The following SUMF1 variants were observed in gnomAD, a reference collection of about 807,000 sequenced individuals.
The protein encoded by SUMF1 is sulfatase modifying factor 1, also known as formylglycine-generating enzyme.
In SUMF1, 48 loss-of-function variants were observed where a neutral mutation model predicts 47.6. The observed-to-expected ratio is 1.01, with a 90% CI of 0.80 to 1.28. The LOEUF (loss-of-function observed/expected upper bound fraction) is 1.28, where lower values mean the gene tolerates loss of function less well. Among genes scored for constraint, SUMF1 ranks in the 50% most tolerant of loss-of-function variants. The pLI is 0.00. For synonymous variants in SUMF1, 230 were observed against 192.1 expected, an observed-to-expected ratio of 1.20 and a Z score of -1.63; for missense variants, 571 against 485.4, an observed-to-expected ratio of 1.18 and a Z score of -1.66.
rs554165314 is a variant in SUMF1 at position 4,298,849 on chromosome 3, G to C, written c.1014+77481C>G. On this transcript the variant is annotated intron_variant and NMD_transcript_variant, in intron 8 of 12. Coordinates refer to the SUMF1 transcript ENST00000448413. ...AATTCCCATACTATTCAAAATTCCT[G>C]AAGGGTGAAACAAACCTTATCTCCA... is the stretch of plus-strand genomic sequence containing the variant. 1.5e-4 allele frequency among the ~76,000 whole-genome samples: 23 copies of C among 152,208 alleles called. No individual in the cohort carries two copies. In the South Asian group the frequency reaches 4.8e-3, roughly 32 times the overall value.
At chr3:4,206,124 C>T (rs899241166) in intron 8 of SUMF1, among the ~76,000 whole-genome samples, 14 of 151,460 alleles carry the variant, frequency 9.2e-5, no homozygotes, top group African/African-American at 2.4e-4. Context: ...ATGGCTAAGC[C>T]AGTATCCAAG....
At chr3:4,168,883 T>C (rs1694769830) in intron 8 of SUMF1, among the ~76,000 whole-genome samples, 1 of 152,212 alleles carries the variant, frequency 6.6e-6, no homozygotes, top group Non-Finnish European at 1.5e-5. Flanking sequence ...AATTTCCATC[T>C]AAACTCTGGA....
chr3:4,153,300 C>A (rs1480649902), intron 8 of SUMF1, among the ~76,000 whole-genome samples: 1 of 151,532 alleles, frequency 6.6e-6, no homozygotes, highest in Non-Finnish European at 1.5e-5. Flanking sequence ...CAGCCTCGAA[C>A]TCCTGGAATC....
intron 8 of SUMF1, among the ~76,000 whole-genome samples, chr3:4,335,967 A>AACAAAAACAAAAC (rs1373735525): frequency 9.7e-5 from 14 of 144,076 alleles, no homozygotes; most frequent in African/African-American, 3.8e-4. Flanking sequence ...ACTCAAAAAA[A>AACAAAAACAAAAC]AAAAAAAAAA....
At chr3:4,366,211 C>G (rs1313019256) in intron 8 of SUMF1, among the ~76,000 whole-genome samples, 2 of 151,808 alleles carry the variant, frequency 1.3e-5, no homozygotes, top group Non-Finnish European at 2.9e-5. Flanking sequence ...TTGCTCTTCT[C>G]GAGGAGTATC....
chr3:4,226,092 CA>C (rs1370218625), intron 8 of SUMF1, among the ~76,000 whole-genome samples: 2 of 152,072 alleles, frequency 1.3e-5, no homozygotes, highest in South Asian at 2.1e-4. Context: ...ACTCCAAATA[CA>C]TAGGATCTAC....
chr3:4,436,260 A>G (rs1440094946), intron 3 of SUMF1, among the ~76,000 whole-genome samples: 2 of 152,356 alleles, frequency 1.3e-5, no homozygotes, highest in East Asian at 1.9e-4. Context: ...AGTAGAGTCT[A>G]TATGGTTATA....
intron 8 of SUMF1, among the ~76,000 whole-genome samples, chr3:4,200,732 A>G (rs1053214865): frequency 1.3e-5 from 2 of 152,072 alleles, no homozygotes; most frequent in Non-Finnish European, 2.9e-5. Flanking sequence ...CTATCTGTCT[A>G]TCCATACTAT....
intron 8 of SUMF1, among the ~76,000 whole-genome samples, chr3:4,102,235 C>T (rs1228837866): frequency 6.6e-6 from 1 of 152,088 alleles, no homozygotes; most frequent in African/African-American, 2.4e-5. Flanking sequence ...TATACAAAGA[C>T]CTGATTCTGA....
intron 2 of SUMF1, 37 bp from the exon 3 acceptor site, chr3:4,449,377 T>G (rs752939247): frequency 2.5e-6 from 4 of 1,603,290 alleles, no homozygotes; most frequent in Non-Finnish European, 3.4e-6. Flanking sequence ...CCAGAAAAGG[T>G]TGTAGTAATG....
intron 1 of SUMF1, among the ~76,000 whole-genome samples, chr3:4,457,075 C>CGT (rs1176491930): frequency 1.9e-4 from 17 of 87,670 alleles, no homozygotes; most frequent in Middle Eastern, 7.2e-3. Flanking sequence ...TATATATATA[C>CGT]GTGTGTGTAT....
chr3:4,210,925 A>G (rs534346880), intron 8 of SUMF1, among the ~76,000 whole-genome samples: 2 of 151,530 alleles, frequency 1.3e-5, no homozygotes, highest in Non-Finnish European at 2.9e-5. Flanking sequence ...TAAAAAGGCT[A>G]GACTGGCATA....
At chr3:4,448,055 C>T (rs1054474385) in intron 3 of SUMF1, among the ~76,000 whole-genome samples, 4 of 151,318 alleles carry the variant, frequency 2.6e-5, no homozygotes, top group Admixed American at 6.6e-5. Context: ...AAAAGTAGGG[C>T]GGAGGGGAAT....
chr3:4,387,370 A>G (rs964690593), intron 7 of SUMF1, among the ~76,000 whole-genome samples: 2 of 152,036 alleles, frequency 1.3e-5, no homozygotes, highest in African/African-American at 4.8e-5. Context: ...AAGTTGTCAC[A>G]TTTATGGGTA....
chr3:4,156,670 G>C (rs959173542), intron 8 of SUMF1, among the ~76,000 whole-genome samples: 2 of 151,502 alleles, frequency 1.3e-5, no homozygotes, highest in African/African-American at 4.9e-5. Flanking sequence ...TTTTGTATTT[G>C]CACTCTCTGG....
intron 3 of SUMF1, among the ~76,000 whole-genome samples, chr3:4,423,930 C>T (rs1489685872): frequency 1.3e-5 from 2 of 152,130 alleles, no homozygotes; most frequent in African/African-American, 4.8e-5. Context: ...CTGCCATGAT[C>T]GAAAGGCCTG....
At chr3:4,426,010 C>T (rs1702056753) in intron 3 of SUMF1, among the ~76,000 whole-genome samples, 1 of 152,176 alleles carries the variant, frequency 6.6e-6, no homozygotes, top group Admixed American at 6.5e-5. Flanking sequence ...GGGAAAAACC[C>T]AGCCCCATGA....
At chr3:4,408,284 T>C (rs1212442756) in intron 7 of SUMF1, among the ~76,000 whole-genome samples, 1 of 152,146 alleles carries the variant, frequency 6.6e-6, no homozygotes, top group African/African-American at 2.4e-5. Flanking sequence ...AAATAAAACA[T>C]ATTGACGATA....
At chr3:4,094,446 TCAGTGTAGTGAAAAATGACTTCCAA>T (rs1168809482) in intron 8 of SUMF1, among the ~76,000 whole-genome samples, 1 of 152,030 alleles carries the variant, frequency 6.6e-6, no homozygotes, top group Non-Finnish European at 1.5e-5. Context: ...AAGAAGGATA[TCAGTGTAGTGAAAAATGACTTCCAA>T]CTGGGGAAAC....
Sources: allele counts gnomAD v4.1 joint callset (sites outside exome capture counted in the v4.1 genomes callset), GRCh38; gene constraint gnomAD v4.1.1; transcripts MANE v1.5; gene names NCBI Gene and HGNC (gene_info 2026-07-23, HGNC 2026-07-21).